ERMARD: variants seen among roughly 807,000 people sequenced by gnomAD.
ERMARD encodes endoplasmic reticulum membrane-associated RNA degradation protein.
Under a neutral mutation model 83.9 loss-of-function variants are expected in ERMARD, and 71 were observed. The ratio of observed to expected loss-of-function variants is 0.85; its 90% CI spans 0.70 to 1.03. The LOEUF is 1.03. Among genes scored for constraint, ERMARD ranks in the 50% least tolerant of loss-of-function variants. The probability of loss-of-function intolerance (pLI) is 0.00; values close to 1 mark genes in which losing one functional copy is unlikely to be tolerated. For synonymous variants in ERMARD, 284 were observed against 298.6 expected (o/e 0.95, Z 0.50); for missense variants, 838 against 810.9 (o/e 1.03, Z -0.41).
At chr6:169,756,693 T>G in intron 4 of ERMARD, 26 bp from the exon 5 acceptor site, 1 of 1,589,676 alleles carries the variant, frequency 6.3e-7, no homozygotes, top group Non-Finnish European at 8.6e-7. Context: ...AATACAACTG[T>G]TACACAATTT....
At chr6:169,777,520 A>T (rs1477440814) in intron 16 of ERMARD, among the ~76,000 whole-genome samples, 6 of 152,192 alleles carry the variant, frequency 3.9e-5, no homozygotes, top group Non-Finnish European at 1.5e-5. Context: ...TCCTTTCATG[A>T]TAGAAACAAA....
chr6:169,775,329 C>CA lies in ERMARD; in HGVS notation c.1378dup (p.Thr460AsnfsTer10). ...CTCTGCTGCCTTTCCCCGAAGAACTCACTCGGCAAGCCGTCAGGTGCGTGG... is the reference window on the plus strand; with the variant it reads ...CTCTGCTGCCTTTCCCCGAAGAACTCAACTCGGCAAGCCGTCAGGTGCGTGG... On this transcript the variant is annotated frameshift_variant, in exon 14 of 18. Coordinates refer to ENST00000366773, the MANE Select transcript of ERMARD (RefSeq NM_018341.3). LOFTEE classifies it high-confidence loss of function. 1 of 1,613,758 alleles carries CA rather than the reference C, an allele frequency of 6.2e-7. No homozygotes were observed. Among genetic ancestry groups the CA allele is most frequent in the Non-Finnish European group, 8.5e-7 (1 of 1,179,630 alleles).
chr6:169,777,287 C>T (rs756928505), intron 16 of ERMARD, among the ~76,000 whole-genome samples: 5 of 152,168 alleles, frequency 3.3e-5, no homozygotes, highest in Non-Finnish European at 7.3e-5. Flanking sequence ...CAGCTAGCAA[C>T]TACATTGCCA....
In ERMARD at chr6:169,759,042, G is replaced by A. The variant is rs143391187; in HGVS notation, c.582G>A (p.Ala194=). 1,153 of 1,613,880 alleles carry A rather than the reference G, an allele frequency of 7.1e-4. 18 individuals are homozygous for A. The highest frequency in any genetic ancestry group is 2.3e-3 in the East Asian group (105 of 44,882). The change falls in exon 6 of 18, where the codon GCG becomes GCA. Residue 194 remains alanine, a synonymous_variant. Coordinates refer to ENST00000366773, the MANE Select transcript of ERMARD (RefSeq NM_018341.3). The stretch of plus-strand genomic sequence containing the variant: ...GTAACGTCTTATGGCATGGGTTTGC[G>A]TCACCTGAAGAAATTCCTCCAAAGT... ...NLRNVLWHGF[A]SPEEIPPKYC...
chr6:169,768,858 T>A (rs1272497007), intron 11 of ERMARD, among the ~76,000 whole-genome samples: 1 of 152,236 alleles, frequency 6.6e-6, no homozygotes, highest in Admixed American at 6.5e-5. Flanking sequence ...TCCATTTTTT[T>A]ATATTTTATG....
chr6:169,755,481 G>T (rs890534544), intron 3 of ERMARD, 59 bp downstream of exon 3: 7 of 1,585,556 alleles, frequency 4.4e-6, no homozygotes, highest in Non-Finnish European at 6.0e-6. Flanking sequence ...CTTAGAGGAC[G>T]TACTATTTGC....
At chr6:169,759,121 T>A (rs1173774896) in intron 6 of ERMARD, 56 bp downstream of exon 6, 3 of 1,425,020 alleles carry the variant, frequency 2.1e-6, no homozygotes, top group South Asian at 1.2e-5. Flanking sequence ...AAGAGTTTTT[T>A]AAATTTTGAA....
intron 5 of ERMARD, 121 bp from the exon 6 acceptor site, chr6:169,758,847 C>A: frequency 1.2e-6 from 1 of 807,968 alleles, no homozygotes; most frequent in Non-Finnish European, 2.0e-6. Flanking sequence ...ATTATTACTG[C>A]TATATACTAG....
At chr6:169,780,858 A>G (rs377535787) in intron 17 of ERMARD, among the ~76,000 whole-genome samples, 36 of 151,488 alleles carry the variant, frequency 2.4e-4, no homozygotes, top group African/African-American at 7.5e-4. Context: ...TCAATGTGGG[A>G]AAAAAAAACA....
chr6:169,766,522 A>G, intron 9 of ERMARD, 116 bp from the exon 10 acceptor site: 2 of 710,186 alleles, frequency 2.8e-6, no homozygotes, highest in Non-Finnish European at 4.6e-6. Flanking sequence ...TGTTTGTTTT[A>G]ACAAAAAACT....
At chr6:169,773,073 GCA>G (rs1011154873) in intron 12 of ERMARD, 4 of 412,944 alleles carry the variant, frequency 9.7e-6, no homozygotes, top group African/African-American at 2.0e-5. Context: ...CCAGTTTTGT[GCA>G]CAGAGGGTGG....
At chr6:169,751,373 T>A, upstream of ERMARD, 1 of 1,614,126 alleles carries the variant, frequency 6.2e-7, no homozygotes, top group East Asian at 2.2e-5. Context: ...CCTCCTTTCT[T>A]TCCTAGGCGT....
chr6:169,780,595 G>A (rs1794090098), intron 17 of ERMARD, among the ~76,000 whole-genome samples: 1 of 152,170 alleles, frequency 6.6e-6, no homozygotes, highest in Non-Finnish European at 1.5e-5. Flanking sequence ...CTCTGAGCCG[G>A]CCCCTCCATC....
At position 169,769,639 on chromosome 6, in the gene ERMARD, A is replaced by G. The variant is rs759810454; in HGVS notation, c.1159A>G (p.Thr387Ala). The change falls in exon 12 of 18, where the codon ACT becomes GCT. Residue 387 changes from threonine (T) to alanine (A), a missense_variant. Thr to Ala is a moderately conservative substitution (Grantham distance 58). Coordinates refer to ENST00000366773, the MANE Select transcript of ERMARD (RefSeq NM_018341.3). ...CTTACATGAATTTTCAAAAGAAACA[A>G]CTAATCAGTTGCTTGCATTTTCTCT... ...INLHEFSKET[T>A]NQLLAFSLVL... is the part of the protein sequence containing the mutation. 3.7e-6 allele frequency: 6 copies of G among 1,613,198 alleles called. No homozygotes were observed. Among genetic ancestry groups the G allele is most frequent in the Non-Finnish European group, 5.1e-6 (6 of 1,179,608 alleles).
chr6:169,755,513 C>T, intron 3 of ERMARD, 91 bp downstream of exon 3: 1 of 1,495,030 alleles, frequency 6.7e-7, no homozygotes, highest in African/African-American at 1.4e-5. Context: ...GGGCCTCCTT[C>T]ATCCCCAGGC....
At chr6:169,779,837 C>T (rs769354321) in intron 17 of ERMARD, among the ~76,000 whole-genome samples, 16 of 152,166 alleles carry the variant, frequency 1.1e-4, no homozygotes, top group Admixed American at 6.5e-5. Flanking sequence ...AGGACCATCC[C>T]GATCTAGGAG....
intron 9 of ERMARD, among the ~76,000 whole-genome samples, chr6:169,764,422 C>G (rs897865495): frequency 6.6e-6 from 1 of 151,870 alleles, no homozygotes; most frequent in African/African-American, 2.4e-5. Context: ...TGCTACTACA[C>G]CTGGCTCATT....
intron 15 of ERMARD, 111 bp from the exon 16 acceptor site, chr6:169,776,344 G>A (rs1406424466): frequency 7.1e-6 from 11 of 1,553,206 alleles, no homozygotes; most frequent in Admixed American, 5.9e-5. Context: ...ACCAACCAGC[G>A]ATACGCCGCT....
At chr6:169,774,203 A>G (rs920212434) in intron 13 of ERMARD, among the ~76,000 whole-genome samples, 4 of 152,288 alleles carry the variant, frequency 2.6e-5, no homozygotes, top group African/African-American at 9.6e-5. Context: ...GCGTGATGGC[A>G]GGTGCCTTGA....
Sources: allele counts gnomAD v4.1 joint callset (sites outside exome capture counted in the v4.1 genomes callset), GRCh38; gene constraint gnomAD v4.1.1; transcripts MANE v1.5; gene names NCBI Gene and HGNC (gene_info 2026-07-23, HGNC 2026-07-21).